Variants in COPB1 observed in about 807,000 individuals in gnomAD.
The protein encoded by COPB1 is coatomer subunit beta.
COPB1 carries 21 observed loss-of-function variants against 108.7 expected under a neutral mutation model. That is an observed-to-expected ratio of 0.19 (90% confidence interval 0.14 to 0.28). The LOEUF is 0.28. COPB1 is among the 10% of genes least tolerant of loss of function. COPB1 has a pLI of 1.00. For synonymous variants in COPB1, 378 were observed against 386.8 expected, an observed-to-expected ratio of 0.98 and a Z score of 0.27; for missense variants, 919 against 1,141.3, an observed-to-expected ratio of 0.81 and a Z score of 2.81.
Position 14,481,068 on chromosome 11 carries a change from C to A in COPB1, c.987G>T (p.Leu329Phe), listed in dbSNP as rs1328927480. 2 of 1,613,170 alleles carry A rather than the reference C, an allele frequency of 1.2e-6. No individual in the cohort carries two copies. Among genetic ancestry groups the A allele is most frequent in the Non-Finnish European group, 1.7e-6 (2 of 1,179,802 alleles). The change falls in exon 9 of 22, where the codon TTG becomes TTT. Residue 329 changes from leucine (L) to phenylalanine (F), a missense_variant. By Grantham distance (22) the Leu-to-Phe change is conservative. Around this residue, in one of 5 missense-constraint regions of COPB1, gnomAD observed 705 missense variants for 817.8 expected, o/e 0.86. Transcript: ENST00000439561. ...QDLVMDILRV[L>F]STPDLEVRKK... ...TTCGTACTTCTAAGTCTGGTGTGCTCAATACTCTTAGGATATCCATAACCA... is the reference window on the plus strand; with the variant it reads ...TTCGTACTTCTAAGTCTGGTGTGCTAAATACTCTTAGGATATCCATAACCA...
chr11:14,466,626 A>T (rs1589953867), intron 16 of COPB1, among the ~76,000 whole-genome samples, 200 bp from the exon 17 acceptor site: 1 of 152,222 alleles, frequency 6.6e-6, no homozygotes, highest in Non-Finnish European at 1.5e-5. Flanking sequence ...CTAGAGTTTA[A>T]GACATCTATT....
At chr11:14,499,140 C>G (rs1851093400) in intron 1 of COPB1, among the ~76,000 whole-genome samples, 155 bp from the exon 2 acceptor site, 1 of 152,096 alleles carries the variant, frequency 6.6e-6, no homozygotes, top group African/African-American at 2.4e-5. Context: ...ATTATCAGCT[C>G]TGGCATAAGG....
At chr11:14,488,860 G>A (rs1381314678) in intron 5 of COPB1, among the ~76,000 whole-genome samples, 2 of 152,014 alleles carry the variant, frequency 1.3e-5, no homozygotes, top group African/African-American at 2.4e-5. Context: ...TGGGATTCAG[G>A]GTATCCATAC....
intron 14 of COPB1, among the ~76,000 whole-genome samples, chr11:14,469,839 C>T (rs1187029661): frequency 1.3e-5 from 2 of 152,194 alleles, no homozygotes; most frequent in Non-Finnish European, 1.5e-5. Context: ...ACTTCATATG[C>T]TGATGCTGTC....
intron 12 of COPB1, among the ~76,000 whole-genome samples, 185 bp from the exon 13 acceptor site, chr11:14,476,130 G>A (rs1850515456): frequency 6.6e-6 from 1 of 152,126 alleles, no homozygotes; most frequent in South Asian, 2.1e-4. Flanking sequence ...CTTCAGAGAT[G>A]GATATTCCAG....
At position 14,480,702 on chromosome 11, in the gene COPB1, AT is replaced by A. The variant is rs1179125149; in HGVS notation, c.1212+56del. 3.9e-6 allele frequency: 6 copies of A among 1,534,108 alleles called. No individual in the cohort carries two copies. In the East Asian group the frequency reaches 1.4e-4, roughly 36 times the overall value. On this transcript the variant is annotated intron_variant, in intron 10 of 21. Coordinates refer to ENST00000439561, the MANE Select transcript of COPB1 (RefSeq NM_001144061.2). Reference sequence around the variant, plus strand: ...TTTCTGGAGTTTGTCAAATAACTATATTTTTTAAAAAATTCTTTTAGATAAT... The same window carrying A: ...TTTCTGGAGTTTGTCAAATAACTATATTTTTAAAAAATTCTTTTAGATAAT...
intron 14 of COPB1, 122 bp from the exon 15 acceptor site, chr11:14,469,685 G>C (rs1289921731): frequency 3.5e-6 from 3 of 847,794 alleles, no homozygotes; most frequent in Non-Finnish European, 5.5e-6. Context: ...AAATTCTTTG[G>C]ATTTTATGTC....
chr11:14,471,070 C>T (rs1044724856), intron 14 of COPB1, among the ~76,000 whole-genome samples: 3 of 151,988 alleles, frequency 2.0e-5, no homozygotes, highest in South Asian at 2.1e-4. Flanking sequence ...GAATCCTATA[C>T]CCACAAAGGT....
Position 14,457,770 on chromosome 11 carries a change from C to T in COPB1, c.*54G>A. 9 of 1,101,212 alleles carry T rather than the reference C, an allele frequency of 8.2e-6. No homozygotes were observed. Among genetic ancestry groups the T allele is most frequent in the Non-Finnish European group, 1.3e-5 (9 of 717,892 alleles). 68.2% of individuals were successfully genotyped at this position (1,101,212 alleles called of 1,614,324 possible). On this transcript the variant is annotated 3_prime_UTR_variant, in exon 22 of 22. Coordinates refer to ENST00000439561, the MANE Select transcript of COPB1 (RefSeq NM_001144061.2). The stretch of plus-strand genomic sequence containing the variant: ...AAAGAGTACAAAAGATGTTGGAGTC[C>T]AGTAAGCCCATACCTAAATTAACTG...
At chr11:14,497,496 T>C (rs1243374430) in intron 2 of COPB1, among the ~76,000 whole-genome samples, 2 of 152,132 alleles carry the variant, frequency 1.3e-5, no homozygotes, top group African/African-American at 2.4e-5. Context: ...TGAGATATCA[T>C]CTCACCCCAG....
chr11:14,483,873 G>A (rs969571591), intron 7 of COPB1, among the ~76,000 whole-genome samples: 2 of 152,138 alleles, frequency 1.3e-5, no homozygotes, highest in Non-Finnish European at 2.9e-5. Context: ...GTGAATTTGA[G>A]GAACAACATA....
intron 13 of COPB1, 63 bp downstream of exon 13, chr11:14,475,722 T>C: frequency 7.2e-7 from 1 of 1,386,082 alleles, no homozygotes; most frequent in Non-Finnish European, 9.5e-7. Context: ...CATTTGACTG[T>C]CTTACATACA....
chr11:14,483,436 C>T (rs371892267), intron 7 of COPB1, among the ~76,000 whole-genome samples: 2 of 152,022 alleles, frequency 1.3e-5, no homozygotes, highest in African/African-American at 2.4e-5. Context: ...GACATACTTA[C>T]TAACAGCCAA....
intron 2 of COPB1, among the ~76,000 whole-genome samples, chr11:14,497,700 A>G (rs1851054511): frequency 6.6e-6 from 1 of 152,238 alleles, no homozygotes; most frequent in East Asian, 1.9e-4. Context: ...GTATATATCC[A>G]AAAGAAAGGA....
In COPB1 at chr11:14,469,507, G is replaced by C. The variant is rs756252517; in HGVS notation, c.1794C>G (p.Ser598=). Residue 598 remains serine (S), a synonymous_variant, in exon 15 of 22, where the codon TCC becomes TCG. Transcript: ENST00000439561. ...LMATILHLGK[S]SLPKKPITDD... ...CAGTAATTGGCTTCTTAGGAAGAGA[G>C]GATTTTCCCAAATGCAGGATAGTAG... 1 of 1,614,138 alleles carries C rather than the reference G, an allele frequency of 6.2e-7. No homozygotes were observed. Among genetic ancestry groups the C allele is most frequent in the Non-Finnish European group, 8.5e-7 (1 of 1,180,008 alleles).
At chr11:14,484,016 C>A (rs1384506472) in intron 7 of COPB1, among the ~76,000 whole-genome samples, 1 of 152,192 alleles carries the variant, frequency 6.6e-6, no homozygotes, top group Non-Finnish European at 1.5e-5. Flanking sequence ...GACATACAGA[C>A]ATCATGTACT....
Position 14,474,459 on chromosome 11 carries a change from T to G in COPB1, c.1737+36A>C, listed in dbSNP as rs75195112. ...AATGCATATAGTAGGCACTCAATGT[T>G]TAATTGTTGGTTAAATGTAAAATAA... On this transcript the variant is annotated intron_variant, in intron 14 of 21. Transcript: ENST00000439561. The G allele has an allele frequency of 1.6e-3, 2,493 of 1,600,366 alleles. 34 individuals carry two copies. The African/African-American group carries it at 0.028, about 18-fold the overall frequency.
At chr11:14,461,669 A>G (rs1850156331) in intron 18 of COPB1, among the ~76,000 whole-genome samples, 1 of 152,208 alleles carries the variant, frequency 6.6e-6, no homozygotes, top group African/African-American at 2.4e-5. Flanking sequence ...AATTCAATTC[A>G]GTGAGTACTT....
At position 14,470,207 on chromosome 11, in the gene COPB1, G is replaced by A. The variant is rs72868021; in HGVS notation, c.1738-644C>T. 7.4e-3 allele frequency among the ~76,000 whole-genome samples: 1,132 copies of A among 152,164 alleles called. 7 individuals carry two copies. Among genetic ancestry groups the A allele is most frequent in the Non-Finnish European group, 0.011 (747 of 67,990 alleles). On this transcript the variant is annotated intron_variant, in intron 14 of 21. Coordinates refer to ENST00000439561, the MANE Select transcript of COPB1 (RefSeq NM_001144061.2). ...TCTTAATCTAGACCAGTTCTCTGCCGTTTTGTTTTTAATCGCACTAACTTT... is the reference window on the plus strand; with the variant it reads ...TCTTAATCTAGACCAGTTCTCTGCCATTTTGTTTTTAATCGCACTAACTTT...
Sources: gnomAD v4.1 joint callset for allele counts (sites outside exome capture counted in the v4.1 genomes callset) on GRCh38, gnomAD v4.1.1 for gene constraint, gnomAD v4.1.1 regional missense constraint, MANE v1.5 for transcripts, NCBI Gene and HGNC (gene_info 2026-07-23, HGNC 2026-07-21) for gene names.